Variants in MYO15B observed in about 807,000 individuals in gnomAD.
The protein encoded by MYO15B is myosin XVB.
MYO15B carries 207 observed loss-of-function variants against 119.3 expected under a neutral mutation model. The ratio of observed to expected loss-of-function variants is 1.73; its 90% CI spans 1.55 to 1.95. The LOEUF (loss-of-function observed/expected upper bound fraction) is 1.95. MYO15B is among the 30% of genes most tolerant of loss of function. MYO15B has a pLI of 0.00. For synonymous variants in MYO15B, 966 were observed against 498.9 expected (o/e 1.94, Z -12.48); for missense variants, 2,264 against 1,203.1 (o/e 1.88, Z -13.04).
exon 41 of MYO15B, chr17:75,617,114 C>T (rs2058423109): frequency 1.5e-6 from 1 of 677,500 alleles, no homozygotes; most frequent in Admixed American, 2.1e-5. Flanking sequence ...GAAAGGGCCC[C>T]CCGCCAGCTG....
At chr17:75,609,826 C>A (rs1319587142) in intron 21 of MYO15B, among the ~76,000 whole-genome samples, 2 of 151,742 alleles carry the variant, frequency 1.3e-5, no homozygotes, top group Non-Finnish European at 2.9e-5. Context: ...GTGCCTCAGC[C>A]TCCTGAGGAG....
intron 1 of MYO15B, 161 bp downstream of exon 1, chr17:75,590,404 T>A (rs1046940588): frequency 5.0e-6 from 2 of 397,862 alleles, no homozygotes; most frequent in African/African-American, 2.1e-5. Context: ...CAACAGGTGC[T>A]ACGTCCCCAG....
intron 5 of MYO15B, 58 bp from the exon 6 acceptor site, chr17:75,591,919 T>C: frequency 1.4e-6 from 1 of 689,678 alleles, no homozygotes; most frequent in South Asian, 1.5e-5. Flanking sequence ...CTAGCTGGGA[T>C]GCCTGCTGGT....
In MYO15B at chr17:75,624,408, G is replaced by A. The variant is rs761895490; in HGVS notation, c.8406G>A (p.Pro2802=). 114 of 702,314 alleles carry A rather than the reference G, an allele frequency of 1.6e-4. No homozygotes were observed. The highest frequency in any genetic ancestry group is 2.8e-4 in the Admixed American group (14 of 49,994). The allele number at this position is 702,314 out of a possible 1,614,324, so 43.5% of individuals were successfully genotyped here. ...TTCGCCTGCTTCTTATTCACCTGCC[G>A]GGGGGTGTGGATTATAGGACGAATA... The change falls in exon 57 of 64, where the codon CCG becomes CCA. Residue 2802 remains proline, a synonymous_variant. Coordinates refer to ENST00000645453, the Ensembl canonical transcript of MYO15B.
In MYO15B at chr17:75,621,424, G is replaced by A. The variant is rs1256585797; in HGVS notation, c.7935+16G>A. On this transcript the variant is annotated intron_variant, in intron 51 of 63. Coordinates refer to ENST00000645453, the Ensembl canonical transcript of MYO15B. ...GTACACCAAGGTGGGAGAGAGGCAG[G>A]GAGGGGTCTGGCCCGTAGATCTGCC... 4.3e-6 allele frequency: 3 copies of A among 699,592 alleles called. No individual in the cohort carries two copies. Among genetic ancestry groups the A allele is most frequent in the Non-Finnish European group, 7.8e-6 (3 of 382,454 alleles). The allele number at this position is 699,592 out of a possible 1,614,324, so 43.3% of individuals were successfully genotyped here. A position where few individuals can be genotyped will look rare whatever the true frequency, so the allele number is the denominator to read the frequency against.
chr17:75,617,818 C>T lies in MYO15B; in HGVS notation c.6823C>T (p.Gln2275Ter), dbSNP rs1463134395. 2.8e-6 allele frequency: 2 copies of T among 701,972 alleles called. No homozygotes were observed. Among genetic ancestry groups the T allele is most frequent in the African/African-American group, 3.5e-5 (2 of 57,262 alleles). The allele number at this position is 701,972 out of a possible 1,614,324, so 43.5% of individuals were successfully genotyped here. A position where few individuals can be genotyped will look rare whatever the true frequency, so the allele number is the denominator to read the frequency against. Residue 2275 changes from glutamine (Q) to a stop codon, truncating the protein, a stop_gained, in exon 42 of 64, where the codon CAG becomes TAG. Transcript: ENST00000645453. LOFTEE classifies it high-confidence loss of function. ...CCCCTCCTCTCTGCCAGGCTTGACA[C>T]AGCCCGTGGAGGACCAGGGGGTCTC...
rs564292129 is a variant in MYO15B at position 75,589,971 on chromosome 17, G to T, written c.1914G>T (p.Ala638=). 3 of 398,726 alleles carry T rather than the reference G, an allele frequency of 7.5e-6. No individual in the cohort carries two copies. Among genetic ancestry groups the T allele is most frequent in the South Asian group, 2.5e-4 (2 of 7,870 alleles). 24.7% of individuals were successfully genotyped at this position (398,726 alleles called of 1,614,324 possible). The change falls in exon 1 of 64, where the codon GCG becomes GCT. Residue 638 remains alanine, a synonymous_variant. Transcript: ENST00000645453. The surrounding 1 kb of genome is among the most constrained non-coding windows in gnomAD (Gnocchi z 4.2). ...ATGACGAGCCCCCGGTGCGCTGGGC[G>T]CAGGGCTCAGGCCCCCACGAGGGTC...
rs1454985136 is a variant in MYO15B, at chr17:75,592,220, C to T, written c.2652-18C>T. On this transcript the variant is annotated intron_variant, in intron 6 of 63. Transcript: ENST00000645453. Reference sequence around the variant, plus strand: ...GTTCTGCATCCTGGGCACTCACACCCATCTTCTGTGCCCACAGAGGGGTCA... The same window carrying T: ...GTTCTGCATCCTGGGCACTCACACCTATCTTCTGTGCCCACAGAGGGGTCA... 2.8e-6 allele frequency: 2 copies of T among 702,626 alleles called. No individual in the cohort carries two copies. Among genetic ancestry groups the T allele is most frequent in the Non-Finnish European group, 2.6e-6 (1 of 384,834 alleles). 43.5% of individuals were successfully genotyped at this position (702,626 alleles called of 1,614,324 possible). A position where few individuals can be genotyped will look rare whatever the true frequency, so the allele number is the denominator to read the frequency against.
chr17:75,616,358 C>T (rs1179122753), exon 38 of MYO15B: 2 of 612,896 alleles, frequency 3.3e-6, no homozygotes, highest in African/African-American at 3.7e-5. Flanking sequence ...CGGCCAAGGT[C>T]CACATCCCCC....
At chr17:75,622,046 A>G in exon 53 of MYO15B, 1 of 703,008 alleles carries the variant, frequency 1.4e-6, no homozygotes, top group Admixed American at 2.0e-5. Flanking sequence ...CCCCGGGGCA[A>G]GGATGAGATG....
At chr17:75,596,314 C>T (rs758352360) in intron 12 of MYO15B, 146 bp from the exon 13 acceptor site, 14 of 613,418 alleles carry the variant, frequency 2.3e-5, no homozygotes, top group South Asian at 5.7e-5. Flanking sequence ...TGTGCTGTGC[C>T]GGATCCTTTA....
At chr17:75,603,456 CTCA>C (rs1279940512) in intron 19 of MYO15B, 144 bp downstream of exon 19, 1 of 608,712 alleles carries the variant, frequency 1.6e-6, no homozygotes, top group Non-Finnish European at 2.9e-6. Flanking sequence ...TCCTCGTCCT[CTCA>C]TCCTCTCTCT....
intron 43 of MYO15B, 137 bp downstream of exon 43, chr17:75,618,322 C>T: frequency 1.6e-6 from 1 of 640,300 alleles, no homozygotes; most frequent in South Asian, 1.7e-5. Context: ...TCTGTGTGCC[C>T]AGACCTGCCT....
At chr17:75,598,810 G>A (rs2057054234) in intron 14 of MYO15B, among the ~76,000 whole-genome samples, 1 of 151,900 alleles carries the variant, frequency 6.6e-6, no homozygotes, top group African/African-American at 2.4e-5. Context: ...AACTTGTCAC[G>A]AGTGTCTTTG....
intron 22 of MYO15B, 41 bp downstream of exon 22, chr17:75,610,300 G>C (rs1284863973): frequency 1.4e-5 from 9 of 654,618 alleles, no homozygotes; most frequent in Non-Finnish European, 2.2e-5. Flanking sequence ...TAGAAGCCAG[G>C]CTGCCTGAGC....
In MYO15B at chr17:75,612,991, G is replaced by C. The variant is rs1355968772; in HGVS notation, c.4749G>C (p.Gly1583=). 8.7e-6 allele frequency: 6 copies of C among 692,602 alleles called. No individual in the cohort carries two copies. In the East Asian group the frequency reaches 1.6e-4, roughly 19 times the overall value. 42.9% of individuals were successfully genotyped at this position (692,602 alleles called of 1,614,324 possible). A position where few individuals can be genotyped will look rare whatever the true frequency, so the allele number is the denominator to read the frequency against. ...GTCGGCAGATGCTGCGGCTCCTGGGGGACGGATCCCTGGAGTCCTGGCAGA... is the reference window on the plus strand; with the variant it reads ...GTCGGCAGATGCTGCGGCTCCTGGGCGACGGATCCCTGGAGTCCTGGCAGA... Residue 1583 remains glycine (G), a synonymous_variant, in exon 27 of 64, where the codon GGG becomes GGC. Transcript: ENST00000645453.
intron 23 of MYO15B, among the ~76,000 whole-genome samples, chr17:75,611,213 C>T (rs1342060542): frequency 1.3e-5 from 2 of 151,996 alleles, no homozygotes; most frequent in Admixed American, 6.6e-5. Context: ...CCTGTAATCC[C>T]AGCACTTTGA....
Position 75,589,803 on chromosome 17 carries a change from G to A in MYO15B, c.1746G>A (p.Val582=), listed in dbSNP as rs994427867. ...GCCGAGGTTGGCCTCGTGCAGGGGTGGGGGGGCACAGTGAGGGGTGCAGGA... is the reference window on the plus strand; with the variant it reads ...GCCGAGGTTGGCCTCGTGCAGGGGTAGGGGGGCACAGTGAGGGGTGCAGGA... Residue 582 remains valine (V), a synonymous_variant, in exon 1 of 64, where the codon GTG becomes GTA. Transcript: ENST00000645453. This position sits in a 1 kb window ranked among gnomAD's most constrained non-coding sequence, Gnocchi z 4.2. 1.0e-5 allele frequency: 4 copies of A among 398,382 alleles called. No individual in the cohort carries two copies. Among genetic ancestry groups the A allele is most frequent in the East Asian group, 7.1e-5 (2 of 28,078 alleles). 24.7% of individuals were successfully genotyped at this position (398,382 alleles called of 1,614,324 possible). A position where few individuals can be genotyped will look rare whatever the true frequency, so the allele number is the denominator to read the frequency against.
intron 14 of MYO15B, among the ~76,000 whole-genome samples, chr17:75,599,629 G>A (rs1375116636): frequency 2.6e-5 from 4 of 151,790 alleles, no homozygotes; most frequent in South Asian, 2.1e-4. Context: ...CATGTAGGCC[G>A]GGCGCGGTGG....
Sources: allele counts gnomAD v4.1 joint callset (sites outside exome capture counted in the v4.1 genomes callset), GRCh38; gene constraint gnomAD v4.1.1; non-coding constraint Gnocchi (gnomAD v3.1); transcripts MANE v1.5; gene names NCBI Gene and HGNC (gene_info 2026-07-23, HGNC 2026-07-21).